ATP13A4: variants seen among roughly 807,000 people sequenced by gnomAD.
ATP13A4 encodes the protein ATPase 13A4.
ATP13A4 carries 114 observed loss-of-function variants against 142.5 expected under a neutral mutation model. The observed-to-expected ratio is 0.80, with a 90% CI of 0.69 to 0.93. ATP13A4 has a LOEUF of 0.93. Ranked by LOEUF, ATP13A4 falls within the 40% of genes least tolerant of loss-of-function variation. The probability of loss-of-function intolerance (pLI) is 0.00; values close to 1 mark genes in which losing one functional copy is unlikely to be tolerated. For synonymous variants in ATP13A4, 488 were observed against 514.8 expected, an observed-to-expected ratio of 0.95 and a Z score of 0.70; for missense variants, 1,392 against 1,454.0, an observed-to-expected ratio of 0.96 and a Z score of 0.69.
intron 2 of ATP13A4, among the ~76,000 whole-genome samples, chr3:193,503,040 G>T (rs767823464): frequency 1.9e-4 from 29 of 151,956 alleles, no homozygotes; most frequent in South Asian, 6.3e-4. Flanking sequence ...GGCGGGGCAG[G>T]GGGGGGAACT....
At chr3:193,435,460 A>G (rs1343163203) in intron 24 of ATP13A4, among the ~76,000 whole-genome samples, 188 bp downstream of exon 24, 1 of 152,202 alleles carries the variant, frequency 6.6e-6, no homozygotes, top group African/African-American at 2.4e-5. Context: ...AATTGACATC[A>G]GCAACTTTTC....
In ATP13A4 at chr3:193,424,689, C is replaced by T. The variant is rs575885495; in HGVS notation, c.2842+9156G>A. ...AAATTAACTCAAAGTGGATTAAAAA[C>T]TTAAATGTAAAACTCGAAACTATAA... On this transcript the variant is annotated intron_variant, in intron 25 of 29. Transcript: ENST00000342695. 9.4e-5 allele frequency among the ~76,000 whole-genome samples: 14 copies of T among 149,664 alleles called. No homozygotes were observed. The South Asian group carries it at 2.9e-3, about 31-fold the overall frequency.
intron 28 of ATP13A4, among the ~76,000 whole-genome samples, chr3:193,408,998 T>C (rs181176471): frequency 1.1e-4 from 16 of 152,324 alleles, no homozygotes; most frequent in South Asian, 2.1e-4. Context: ...AAGAAGAATA[T>C]ACAAAATATG....
rs75944510 is a variant in ATP13A4 at position 193,526,172 on chromosome 3, T to G, written c.61-11301A>C. On this transcript the variant is annotated intron_variant, in intron 1 of 29. Transcript: ENST00000342695. Reference sequence around the variant, plus strand: ...AACACAAAATAATATAGTCAAATATTTGCTATTGTAAATAGTGCTGCAATA... The same window carrying G: ...AACACAAAATAATATAGTCAAATATGTGCTATTGTAAATAGTGCTGCAATA... 5.4e-3 allele frequency among the ~76,000 whole-genome samples: 824 copies of G among 152,242 alleles called. 12 individuals are homozygous for G. The East Asian group carries it at 0.069, about 13-fold the overall frequency.
chr3:193,429,956 A>G (rs1329360278), intron 25 of ATP13A4, among the ~76,000 whole-genome samples: 1 of 152,080 alleles, frequency 6.6e-6, no homozygotes, highest in African/African-American at 2.4e-5. Flanking sequence ...TATATCTTGA[A>G]ATGTTTTCCA....
At chr3:193,404,410 C>T (rs969628648) in intron 29 of ATP13A4, among the ~76,000 whole-genome samples, 1 of 152,112 alleles carries the variant, frequency 6.6e-6, no homozygotes. Flanking sequence ...TGTTACCGCA[C>T]ATTATAAATA....
intron 17 of ATP13A4, among the ~76,000 whole-genome samples, chr3:193,450,208 T>G (rs977355094): frequency 9.2e-5 from 14 of 152,324 alleles, no homozygotes; most frequent in Middle Eastern, 3.4e-3. Context: ...TTTGCCCATG[T>G]TTTATTCTTG....
At chr3:193,561,455 A>T (rs1384311341) in intron 2 of ATP13A4, among the ~76,000 whole-genome samples, 2 of 152,184 alleles carry the variant, frequency 1.3e-5, no homozygotes, top group African/African-American at 4.8e-5. Flanking sequence ...GCTCCACAAA[A>T]GGGAGGAGAC....
chr3:193,442,516 A>G lies in ATP13A4; in HGVS notation c.2193T>C (p.Ser731=). 6.2e-7 allele frequency: 1 copy of G among 1,614,088 alleles called. No individual in the cohort carries two copies. ...CTTTCTGGCTTTCAGAAACCATTCCAGATTTTCTGGCCACTGTTATTGCAG... is the reference window on the plus strand; with the variant it reads ...CTTTCTGGCTTTCAGAAACCATTCCGGATTTTCTGGCCACTGTTATTGCAG... ...LQTAITVARK[S]GMVSESQKVI... is the part of the protein sequence containing the mutation. The change falls in exon 19 of 30, where the codon TCT becomes TCC. Residue 731 remains serine (S), a synonymous_variant. Transcript: ENST00000342695.
At chr3:193,509,324 T>C (rs1056425432) in intron 2 of ATP13A4, among the ~76,000 whole-genome samples, 2 of 152,204 alleles carry the variant, frequency 1.3e-5, no homozygotes, top group Non-Finnish European at 2.9e-5. Flanking sequence ...TTTACATTTA[T>C]TTGTGTACCG....
At chr3:193,457,292 C>T (rs1717677121) in intron 15 of ATP13A4, 87 bp downstream of exon 15, 2 of 1,572,528 alleles carry the variant, frequency 1.3e-6, no homozygotes, top group African/African-American at 1.3e-5. Flanking sequence ...AATTCAAAGA[C>T]ACATCTGTGA....
intron 1 of ATP13A4, among the ~76,000 whole-genome samples, chr3:193,584,874 A>G (rs1300819485): frequency 6.6e-6 from 1 of 152,176 alleles, no homozygotes; most frequent in East Asian, 1.9e-4. Context: ...TTCGCTATAC[A>G]TTTTGACAAA....
chr3:193,541,025 A>G (rs34178021), intron 1 of ATP13A4, among the ~76,000 whole-genome samples: 26,256 of 140,244 alleles, frequency 0.19, 2,274 homozygotes, highest in East Asian at 0.26. Flanking sequence ...CGAGGCGGGC[A>G]AATCGCGAGG....
At chr3:193,503,307 A>C (rs1023526510) in intron 2 of ATP13A4, among the ~76,000 whole-genome samples, 11 of 152,190 alleles carry the variant, frequency 7.2e-5, no homozygotes, top group African/African-American at 2.7e-4. Context: ...ACCTTATTGC[A>C]TGACCCTAAT....
intron 29 of ATP13A4, among the ~76,000 whole-genome samples, chr3:193,405,751 C>T (rs368154354): frequency 2.0e-5 from 3 of 152,128 alleles, no homozygotes; most frequent in East Asian, 3.9e-4. Context: ...TAAGTCGTTA[C>T]TTGCCTACCT....
chr3:193,479,618 C>T (rs758403500), intron 8 of ATP13A4, among the ~76,000 whole-genome samples: 20 of 151,950 alleles, frequency 1.3e-4, no homozygotes, highest in South Asian at 4.1e-4. Flanking sequence ...AAATTATAAA[C>T]GATACAAACA....
intron 1 of ATP13A4, among the ~76,000 whole-genome samples, chr3:193,585,388 C>A (rs983356126): frequency 2.0e-5 from 3 of 152,128 alleles, no homozygotes; most frequent in Non-Finnish European, 1.5e-5. Flanking sequence ...TCATTGCACT[C>A]CAGCCTGGGC....
Position 193,399,577 on chromosome 3 carries a change from G to T in ATP13A4, c.*3075C>A, listed in dbSNP as rs1714197090. Among the ~76,000 whole-genome samples the T allele has an allele frequency of 6.6e-6, 1 of 152,078 alleles. No individual in the cohort carries two copies. The highest frequency in any genetic ancestry group is 2.1e-4 in the South Asian group (1 of 4,818). On this transcript the variant is annotated 3_prime_UTR_variant, in exon 30 of 30. Transcript: ENST00000342695. ...TAGTAGTAGAAAATAGTTCACATCT[G>T]GTGGCTCATGTCTGTAATCCCGGCA...
intron 1 of ATP13A4, among the ~76,000 whole-genome samples, chr3:193,516,629 C>A (rs1251304486): frequency 6.6e-6 from 1 of 152,178 alleles, no homozygotes; most frequent in Non-Finnish European, 1.5e-5. Context: ...AACACTTTGG[C>A]ATAGATCAAT....
Sources: gnomAD v4.1 joint callset for allele counts (sites outside exome capture counted in the v4.1 genomes callset) on GRCh38, gnomAD v4.1.1 for gene constraint, MANE v1.5 for transcripts, NCBI Gene and HGNC (gene_info 2026-07-23, HGNC 2026-07-21) for gene names.